Variants in IPMK observed in about 807,000 individuals in gnomAD.
IPMK encodes inositol polyphosphate multikinase.
In IPMK, 17 loss-of-function variants were observed where a neutral mutation model predicts 45.8. The ratio of observed to expected loss-of-function variants is 0.37; its 90% CI spans 0.25 to 0.56. The LOEUF is 0.56. IPMK is among the 20% of genes least tolerant of loss of function. The pLI, the probability that IPMK is intolerant of heterozygous loss-of-function variation, is 0.79. For missense variants in IPMK, 399 were observed against 498.0 expected (o/e 0.80, Z 1.89); for synonymous variants, 180 against 184.3 (o/e 0.98, Z 0.19).
intron 1 of IPMK, among the ~76,000 whole-genome samples, chr10:58,257,140 G>C (rs1037337413): frequency 1.3e-5 from 2 of 152,178 alleles, no homozygotes; most frequent in Non-Finnish European, 2.9e-5. Context: ...ATATAGGAAA[G>C]TATATACATT....
At chr10:58,240,275 A>G (rs1838677326) in intron 1 of IPMK, among the ~76,000 whole-genome samples, 1 of 152,156 alleles carries the variant, frequency 6.6e-6, no homozygotes, top group Non-Finnish European at 1.5e-5. Flanking sequence ...ATGGGATTTA[A>G]TCAACAGATA....
At position 58,197,300 on chromosome 10, in the gene IPMK, A is replaced by AAAAT. The variant is rs200761885; in HGVS notation, c.629-606_629-603dup. Among the ~76,000 whole-genome samples, 437 of 83,312 alleles carry AAAAT rather than the reference A, an allele frequency of 5.2e-3. 4 individuals are homozygous for AAAAT. Among genetic ancestry groups the AAAAT allele is most frequent in the East Asian group, 0.036 (66 of 1,828 alleles). 54.7% of individuals were successfully genotyped at this position (83,312 alleles called of 152,430 possible). A position where few individuals can be genotyped will look rare whatever the true frequency, so the allele number is the denominator to read the frequency against. ...GGTGACAGAGCGAGACTCCGTCTCAAAAATAAATAAATAAATAAATAAATA... is the reference window on the plus strand; with the variant it reads ...GGTGACAGAGCGAGACTCCGTCTCAAAAATAAATAAATAAATAAATAAATAAATA... On this transcript the variant is annotated intron_variant, in intron 5 of 5. Transcript: ENST00000373935.
intron 4 of IPMK, 112 bp downstream of exon 4, chr10:58,216,033 A>G: frequency 1.2e-6 from 1 of 802,524 alleles, no homozygotes; most frequent in Admixed American, 3.2e-5. Flanking sequence ...CAGACAACTC[A>G]ATTCCAAAAT....
At chr10:58,242,617 G>T (rs371061320) in intron 1 of IPMK, among the ~76,000 whole-genome samples, 6 of 152,084 alleles carry the variant, frequency 3.9e-5, no homozygotes, top group African/African-American at 1.4e-4. Flanking sequence ...CAACCAAGGA[G>T]AGAATCAGTA....
intron 4 of IPMK, 120 bp from the exon 5 acceptor site, chr10:58,199,441 G>GA: frequency 5.7e-6 from 3 of 524,418 alleles, no homozygotes; most frequent in South Asian, 4.6e-5. Context: ...ATAGATTTGA[G>GA]AAGAAAAAAA....
At chr10:58,227,653 T>C (rs1026733622) in intron 2 of IPMK, among the ~76,000 whole-genome samples, 5 of 152,174 alleles carry the variant, frequency 3.3e-5, no homozygotes, top group African/African-American at 1.2e-4. Context: ...TATATCTACA[T>C]GGTGATTTTT....
rs1354785837 is a variant in IPMK at position 58,242,854 on chromosome 10, G to C, written c.191-5040C>G. Among the ~76,000 whole-genome samples the C allele has an allele frequency of 3.3e-5, 5 of 152,182 alleles. No homozygotes were observed. In the East Asian group the frequency reaches 5.8e-4, roughly 18 times the overall value. On this transcript the variant is annotated intron_variant, in intron 1 of 5. Coordinates refer to ENST00000373935, the MANE Select transcript of IPMK (RefSeq NM_152230.5). ...CTTGGTGGGAGGTGACTGGATCATG[G>C]GGACAGATATCCCCCTTGCTGTTCT...
rs556006232 is a variant in IPMK, at chr10:58,192,139, A to G, written c.*3937T>C. The G allele has an allele frequency of 6.6e-6, 1 of 152,180 alleles. No individual in the cohort carries two copies. The highest frequency in any genetic ancestry group is 2.1e-4 in the South Asian group (1 of 4,826). The allele number at this position is 152,180 out of a possible 1,614,324, so 9.4% of individuals were successfully genotyped here. On this transcript the variant is annotated 3_prime_UTR_variant, in exon 6 of 6. Coordinates refer to ENST00000373935, the MANE Select transcript of IPMK (RefSeq NM_152230.5). ...TAACTCAAAAAAAGATAGAGGCTCC[A>G]AACTTTTCTAAGAAATTAATGCATT...
At chr10:58,210,092 G>A (rs1838135279) in intron 4 of IPMK, among the ~76,000 whole-genome samples, 1 of 152,098 alleles carries the variant, frequency 6.6e-6, no homozygotes, top group African/African-American at 2.4e-5. Context: ...CTCCTTGGGT[G>A]GGGCTTGCTG....
chr10:58,208,858 T>C lies in IPMK; in HGVS notation c.546+7287A>G, dbSNP rs572087580. ...GATGTCGCTAAGGCAGGTGAGTAGA[T>C]GTAATACCCAATGGTGGGCCAAAGT... On this transcript the variant is annotated intron_variant, in intron 4 of 5. Transcript: ENST00000373935. Among the ~76,000 whole-genome samples the C allele has an allele frequency of 2.0e-5, 3 of 152,338 alleles. No homozygotes were observed. In the South Asian group the frequency reaches 6.2e-4, roughly 32 times the overall value.
At chr10:58,252,566 A>T (rs71508106) in intron 1 of IPMK, among the ~76,000 whole-genome samples, 1 of 150,812 alleles carries the variant, frequency 6.6e-6, no homozygotes, top group Non-Finnish European at 1.5e-5. Context: ...TAAACATAAT[A>T]CCAAATAGTT....
intron 4 of IPMK, among the ~76,000 whole-genome samples, chr10:58,206,101 C>A (rs2653506): frequency 0.32 from 48,168 of 152,020 alleles, 9,125 homozygotes; most frequent in African/African-American, 0.53. Context: ...TCCATATAAT[C>A]GAATATTATT....
At position 58,267,532 on chromosome 10, in the gene IPMK, G is replaced by A. The variant is rs138133995; in HGVS notation, c.80C>T (p.Ser27Phe). ...CGGCTGCGGGGTGCCCTCAGGGGTG[G>A]ACTCGATCGCCGGTGAGGTCCGCAT... ...PEMRTSPAIE[S>F]TPEGTPQPAG... Residue 27 changes from serine to phenylalanine, a missense_variant, in exon 1 of 6, where the codon TCC becomes TTC. Transcript: ENST00000373935. 169 of 1,612,708 alleles carry A rather than the reference G, an allele frequency of 1.0e-4. 1 individual carries two copies. In the African/African-American group the frequency reaches 2.1e-3, roughly 20 times the overall value.
chr10:58,251,685 A>G (rs1838882702), intron 1 of IPMK, among the ~76,000 whole-genome samples: 1 of 152,310 alleles, frequency 6.6e-6, no homozygotes, highest in Middle Eastern at 3.4e-3. Flanking sequence ...CACATTTACA[A>G]TTGTTATATC....
intron 4 of IPMK, among the ~76,000 whole-genome samples, chr10:58,213,533 A>T (rs1281235322): frequency 6.6e-6 from 1 of 152,122 alleles, no homozygotes; most frequent in African/African-American, 2.4e-5. Flanking sequence ...AAAAAATACT[A>T]AAAATTAGCA....
rs1347219795 is a variant in IPMK, at chr10:58,231,040, T to C, written c.277-3901A>G. 5.3e-5 allele frequency among the ~76,000 whole-genome samples: 8 copies of C among 152,238 alleles called. No homozygotes were observed. The East Asian group carries it at 1.5e-3, about 29-fold the overall frequency. On this transcript the variant is annotated intron_variant, in intron 2 of 5. Transcript: ENST00000373935. ...GAACTTCATGATTCATGCACAAGCT[T>C]CAATACCCAATTCAATCAAGTGGAA... is the stretch of plus-strand genomic sequence containing the variant.
At chr10:58,219,034 T>G (rs996977451) in intron 3 of IPMK, among the ~76,000 whole-genome samples, 3 of 152,234 alleles carry the variant, frequency 2.0e-5, no homozygotes, top group African/African-American at 7.2e-5. Context: ...TGTTAGACTA[T>G]CCAAATGTGT....
intron 1 of IPMK, among the ~76,000 whole-genome samples, chr10:58,254,495 C>CAAA (rs34810643): frequency 3.6e-4 from 54 of 151,472 alleles, no homozygotes; most frequent in Admixed American, 6.6e-4. Flanking sequence ...TGAACTTCTT[C>CAAA]AAAAAAAAAT....
chr10:58,243,703 G>A (rs1838734786), intron 1 of IPMK, among the ~76,000 whole-genome samples: 1 of 152,208 alleles, frequency 6.6e-6, no homozygotes, highest in African/African-American at 2.4e-5. Flanking sequence ...GCAGTGGCGT[G>A]ATCTCGGCTC....
Sources: allele counts gnomAD v4.1 joint callset (sites outside exome capture counted in the v4.1 genomes callset), GRCh38; gene constraint gnomAD v4.1.1; transcripts MANE v1.5; gene names NCBI Gene and HGNC (gene_info 2026-07-23, HGNC 2026-07-21).